The following VGF variants were observed in gnomAD, a reference collection of about 807,000 sequenced individuals.
VGF encodes neurosecretory protein VGF.
In VGF, 13 loss-of-function variants were observed where a neutral mutation model predicts 41.1. That is an observed-to-expected ratio of 0.32 (90% confidence interval 0.21 to 0.50). The LOEUF is 0.50. Ranked by LOEUF, VGF falls within the 20% of genes least tolerant of loss-of-function variation. The probability of loss-of-function intolerance (pLI) is 0.98; values close to 1 mark genes in which losing one functional copy is unlikely to be tolerated. For synonymous variants in VGF, 473 were observed against 418.3 expected, an observed-to-expected ratio of 1.13 and a Z score of -1.60; for missense variants, 920 against 882.1, an observed-to-expected ratio of 1.04 and a Z score of -0.54.
Position 101,163,103 on chromosome 7 carries a change from C to T in VGF, c.1741G>A (p.Ala581Thr), listed in dbSNP as rs775884073. The part of the protein sequence containing the change: ...PPSRHYPGRE[A>T]QARRAQEEAE... ...TCCTCCTGCGCGCGCCGCGCCTGGG[C>T]CTCCCGGCCGGGATAGTGGCGCGAA... is the stretch of plus-strand genomic sequence containing the variant. The change falls in exon 2 of 2, where the codon GCC (alanine) becomes ACC (threonine). Residue 581 changes from alanine to threonine, a missense_variant. Ala to Thr is a moderately conservative substitution (Grantham distance 58). Coordinates refer to ENST00000249330, the MANE Select transcript of VGF (RefSeq NM_003378.4). The surrounding 1 kb of genome is among the most constrained non-coding windows in gnomAD (Gnocchi z 5.0). The T allele has an allele frequency of 1.3e-6, 2 of 1,581,678 alleles. No individual in the cohort carries two copies. The highest frequency in any genetic ancestry group is 3.5e-5 in the Admixed American group (2 of 56,488).
At chr7:101,164,912 C>T (rs772071404) in intron 1 of VGF, 49 bp from the exon 2 acceptor site, 62 of 1,469,902 alleles carry the variant, frequency 4.2e-5, no homozygotes, top group Middle Eastern at 4.0e-4. Context: ...AAGAATTCCC[C>T]TCTCTAGGTC....
At chr7:101,167,102 C>T (rs2116713597), upstream of VGF, among the ~76,000 whole-genome samples, 1 of 152,170 alleles carries the variant, frequency 6.6e-6, no homozygotes, top group Admixed American at 6.5e-5. The surrounding 1 kb of genome is among the most constrained non-coding windows in gnomAD (Gnocchi z 4.2). Flanking sequence ...CTCTTCCTGG[C>T]ACTGACCCTC....
Position 101,164,639 on chromosome 7 carries a change from C to T in VGF, c.205G>A (p.Asp69Asn). 2 of 1,595,566 alleles carry T rather than the reference C, an allele frequency of 1.3e-6. No individual in the cohort carries two copies. Among genetic ancestry groups the T allele is most frequent in the Non-Finnish European group, 1.7e-6 (2 of 1,171,230 alleles). The change falls in exon 2 of 2, where the codon GAC becomes AAC. Residue 69 changes from aspartate (D) to asparagine (N), a missense_variant. By Grantham distance (23) the Asp-to-Asn change is conservative (BLOSUM62 1). Transcript: ENST00000249330. ...VRGARNSEPQ[D>N]EGELFQGVDP... ...ACGCCCTGGAAAAGCTCTCCCTCGT[C>T]CTGCGGCTCGGAATTCCGAGCGCCT...
In VGF at chr7:101,164,252, C is replaced by G. The variant is rs1271178120; in HGVS notation, c.592G>C (p.Glu198Gln). 2.9e-5 allele frequency: 47 copies of G among 1,596,656 alleles called. No individual in the cohort carries two copies. Among genetic ancestry groups the G allele is most frequent in the Non-Finnish European group, 4.0e-5 (47 of 1,175,430 alleles). Residue 198 changes from glutamate to glutamine, a missense_variant, in exon 2 of 2, where the codon GAG (glutamate) becomes CAG (glutamine). Coordinates refer to ENST00000249330, the MANE Select transcript of VGF (RefSeq NM_003378.4). ...CATACGCGCTCTGGCCCCGGGCTCT[C>G]CAGATTCACTCGGGTCAGCGTGTGC... is the stretch of plus-strand genomic sequence containing the variant. ...RTHTLTRVNL[E>Q]SPGPERVWRA... is the part of the protein sequence containing the mutation.
At position 101,165,419 on chromosome 7, in the gene VGF, G is replaced by C; in HGVS notation, c.-66C>G. ...GAGGTGGAGAGGAGGGTCGGGGCAG[G>C]GTGGGGACAGGGGAAGATCGGGACG... On this transcript the variant is annotated 5_prime_UTR_variant, in exon 1 of 2. Coordinates refer to ENST00000249330, the MANE Select transcript of VGF (RefSeq NM_003378.4). 4 of 985,572 alleles carry C rather than the reference G, an allele frequency of 4.1e-6. No homozygotes were observed. The highest frequency in any genetic ancestry group is 4.8e-6 in the Non-Finnish European group (4 of 830,014). The allele number at this position is 985,572 out of a possible 1,614,324, so 61.1% of individuals were successfully genotyped here.
At chr7:101,169,412 A>G (rs1297293327), upstream of VGF, among the ~76,000 whole-genome samples, 1 of 152,154 alleles carries the variant, frequency 6.6e-6, no homozygotes, top group Non-Finnish European at 1.5e-5. Context: ...GCCTCCTTCA[A>G]CTTCCACCTG....
Position 101,165,362 on chromosome 7 carries a change from C to T in VGF, c.-21+12G>A, listed in dbSNP as rs902434183. 15 of 985,460 alleles carry T rather than the reference C, an allele frequency of 1.5e-5. No homozygotes were observed. In the East Asian group the frequency reaches 4.6e-4, roughly 30 times the overall value. The allele number at this position is 985,460 out of a possible 1,614,324, so 61.0% of individuals were successfully genotyped here. The stretch of plus-strand genomic sequence containing the variant: ...TGCCGAGGGTTTGAGGGACGAACAG[C>T]GGAGTATTTACCAGCTGGTGTCACG... On this transcript the variant is annotated intron_variant, in intron 1 of 1. Transcript: ENST00000249330.
upstream of VGF, among the ~76,000 whole-genome samples, chr7:101,169,691 C>T (rs2116717178): frequency 6.6e-6 from 1 of 152,256 alleles, no homozygotes; most frequent in African/African-American, 2.4e-5. Flanking sequence ...CTCGACAATA[C>T]ACACAAGTCG....
rs776458005 is a variant in VGF at position 101,163,410 on chromosome 7, C to T, written c.1434G>A (p.Glu478=). The change falls in exon 2 of 2, where the codon GAG becomes GAA. Residue 478 remains glutamate (E), a synonymous_variant. Transcript: ENST00000249330. The surrounding 1 kb of genome is among the most constrained non-coding windows in gnomAD (Gnocchi z 5.0). ...GGGCGTTCTTCTTCCGCTTCCGCTT[C>T]TCCTCCACCTCCTCGATGATGCTGA... ...DVVSIIEEVE[E]KRKRKKNAPP... 1.2e-6 allele frequency: 2 copies of T among 1,607,266 alleles called. No homozygotes were observed. Among genetic ancestry groups the T allele is most frequent in the African/African-American group, 1.3e-5 (1 of 74,984 alleles).
At position 101,164,553 on chromosome 7, in the gene VGF, CG is replaced by C; in HGVS notation, c.290del (p.Pro97ArgfsTer19). The C allele has an allele frequency of 6.3e-7, 1 of 1,599,672 alleles. No homozygotes were observed. The highest frequency in any genetic ancestry group is 8.5e-7 in the Non-Finnish European group (1 of 1,177,710). On this transcript the variant is annotated frameshift_variant, in exon 2 of 2. Coordinates refer to ENST00000249330, the MANE Select transcript of VGF (RefSeq NM_003378.4). LOFTEE classifies it high-confidence loss of function. ...GCCCCTGCTGGGAGCCGCTTGGTGC[CG>C]GGGGTGAGGCGGGACGGTCGAGTGC... ...LQALDRPASPPAPSGSQQGPE... is the reference protein window; with the variant it reads ...LQALDRPASPXAPSGSQQGPE...
chr7:101,164,571 G>A lies in VGF; in HGVS notation c.273C>T (p.Asp91=). 6.2e-7 allele frequency: 1 copy of A among 1,600,010 alleles called. No individual in the cohort carries two copies. Among genetic ancestry groups the A allele is most frequent in the Non-Finnish European group, 8.5e-7 (1 of 1,177,318 alleles). ...ALAAVLLQAL[D]RPASPPAPSG... is the part of the protein sequence containing the mutation. ...TTGGTGCCGGGGGTGAGGCGGGACG[G>A]TCGAGTGCCTGCAGCAGCACCGCGG... The change falls in exon 2 of 2, where the codon GAC becomes GAT. Residue 91 remains aspartate, a synonymous_variant. Coordinates refer to ENST00000249330, the MANE Select transcript of VGF (RefSeq NM_003378.4).
In VGF at chr7:101,162,751, G is replaced by C. The variant is rs766434888; in HGVS notation, c.*245C>G. The C allele has an allele frequency of 3.2e-6, 2 of 621,890 alleles. No homozygotes were observed. The highest frequency in any genetic ancestry group is 3.0e-5 in the South Asian group (2 of 65,900). 38.5% of individuals were successfully genotyped at this position (621,890 alleles called of 1,614,324 possible). ...TGGGGCCGGGGCCCCGCGTGGCAAG[G>C]GAACTCGCACAAACCACCCGCCCTC... On this transcript the variant is annotated 3_prime_UTR_variant, in exon 2 of 2. Coordinates refer to ENST00000249330, the MANE Select transcript of VGF (RefSeq NM_003378.4). The surrounding 1 kb of genome is among the most constrained non-coding windows in gnomAD (Gnocchi z 4.2).
chr7:101,166,887 G>T (rs1239243584), upstream of VGF, among the ~76,000 whole-genome samples: 1 of 148,820 alleles, frequency 6.7e-6, no homozygotes, highest in African/African-American at 2.5e-5. Context: ...GGGGGCTGCG[G>T]TGCTGGCAGA....
upstream of VGF, among the ~76,000 whole-genome samples, chr7:101,168,690 T>C (rs1562871569): frequency 6.6e-6 from 1 of 152,114 alleles, no homozygotes; most frequent in Non-Finnish European, 1.5e-5. Flanking sequence ...CTGGAGAAGA[T>C]GGGGTCCAGC....
chr7:101,165,579 C>T, upstream of VGF: 10 of 985,420 alleles, frequency 1.0e-5, no homozygotes, highest in Non-Finnish European at 1.2e-5. Context: ...TGGACAGCGC[C>T]CGCGCCTCCA....
Position 101,163,765 on chromosome 7 carries a change from C to A in VGF, c.1079G>T (p.Ser360Ile). 2 of 1,530,922 alleles carry A rather than the reference C, an allele frequency of 1.3e-6. No individual in the cohort carries two copies. The highest frequency in any genetic ancestry group is 1.8e-6 in the Non-Finnish European group (2 of 1,142,678). The allele number at this position is 1,530,922 out of a possible 1,614,324, so 94.8% of individuals were successfully genotyped here. Residue 360 changes from serine to isoleucine, a missense_variant, in exon 2 of 2, where the codon AGT becomes ATT. By Grantham distance (142) the Ser-to-Ile change is moderately radical (BLOSUM62 -2). Around this residue, in one of 3 missense-constraint regions of VGF, gnomAD observed 654 missense variants for 638.4 expected, o/e 1.02. Transcript: ENST00000249330. The surrounding 1 kb of genome is among the most constrained non-coding windows in gnomAD (Gnocchi z 5.0). ...CTCCGCCTCCTCCTCCTCCCTTGCA[C>A]TCTCTCGCTCCTCCGCCGCCTCCTG... is the stretch of plus-strand genomic sequence containing the variant. ...GLQEAAEERE[S>I]AREEEEAEQE...
chr7:101,169,909 C>G (rs1209248156), upstream of VGF, among the ~76,000 whole-genome samples: 1 of 152,250 alleles, frequency 6.6e-6, no homozygotes, highest in Non-Finnish European at 1.5e-5. Flanking sequence ...CTCACACGGA[C>G]GAAAACCACC....
chr7:101,164,888 A>G (rs560484256), intron 1 of VGF, 25 bp from the exon 2 acceptor site: 368 of 1,507,708 alleles, frequency 2.4e-4, no homozygotes, highest in Non-Finnish European at 3.1e-4. Flanking sequence ...GGACCAAAAA[A>G]AGAGGATTTC....
chr7:101,162,588 A>AG lies in VGF; in HGVS notation c.*407dup. 3.3e-6 allele frequency: 1 copy of AG among 298,792 alleles called. No individual in the cohort carries two copies. The highest frequency in any genetic ancestry group is 2.5e-5 in the South Asian group (1 of 40,426). 18.5% of individuals were successfully genotyped at this position (298,792 alleles called of 1,614,324 possible). ...GTATTTACAACAGAGAAAGGAAAGA[A>AG]GGGGTCAATTCACAGCGACTTGGAG... On this transcript the variant is annotated 3_prime_UTR_variant, in exon 2 of 2. Transcript: ENST00000249330. The surrounding 1 kb of genome is among the most constrained non-coding windows in gnomAD (Gnocchi z 4.2).
Sources: gnomAD v4.1 joint callset for allele counts (sites outside exome capture counted in the v4.1 genomes callset) on GRCh38, gnomAD v4.1.1 for gene constraint, gnomAD v4.1.1 regional missense constraint, Gnocchi (gnomAD v3.1) non-coding constraint, MANE v1.5 for transcripts, NCBI Gene and HGNC (gene_info 2026-07-23, HGNC 2026-07-21) for gene names.